The following RARG variants were observed in gnomAD, a reference collection of about 807,000 sequenced individuals.
The protein encoded by RARG is retinoic acid receptor gamma, also known as RAR-gamma.
RARG carries 17 observed loss-of-function variants against 43.7 expected under a neutral mutation model. That is an observed-to-expected ratio of 0.39 (90% CI 0.27 to 0.58). RARG has a LOEUF of 0.58. RARG is among the 20% of genes least tolerant of loss of function. The pLI, the probability that RARG is intolerant of heterozygous loss-of-function variation, is 0.57. For missense variants in RARG, 346 were observed against 598.7 expected (o/e 0.58, Z 4.40); for synonymous variants, 238 against 236.4 (o/e 1.01, Z -0.06).
chr12:53,216,609 G>A (rs546712534), intron 3 of RARG, among the ~76,000 whole-genome samples: 1 of 152,312 alleles, frequency 6.6e-6, no homozygotes, highest in Admixed American at 6.5e-5. Context: ...TGTTTGCTCA[G>A]TTTCTCAGGT....
chr12:53,213,755 A>C lies in RARG; in HGVS notation c.814-55T>G. 2 of 1,509,402 alleles carry C rather than the reference A, an allele frequency of 1.3e-6. No homozygotes were observed. Among genetic ancestry groups the C allele is most frequent in the Non-Finnish European group, 1.8e-6 (2 of 1,093,576 alleles). 93.5% of individuals were successfully genotyped at this position (1,509,402 alleles called of 1,614,324 possible). On this transcript the variant is annotated intron_variant, in intron 7 of 9. Coordinates refer to ENST00000425354, the MANE Select transcript of RARG (RefSeq NM_000966.6). This position sits in a 1 kb window ranked among gnomAD's most constrained non-coding sequence, Gnocchi z 4.7. ...GCTGTTTCTGGGGGATGGGGAAAAG[A>C]GGGAATGAGTGGAAAGTGAGGAGGT...
chr12:53,219,755 A>G (rs886583831), intron 3 of RARG, among the ~76,000 whole-genome samples: 1 of 152,036 alleles, frequency 6.6e-6, no homozygotes, highest in African/African-American at 2.4e-5. Context: ...CCCACCATAA[A>G]AACCACACAC....
In RARG at chr12:53,215,009, G is replaced by A. The variant is rs1942722181; in HGVS notation, c.475+284C>T. Among the ~76,000 whole-genome samples, 1 of 152,146 alleles carries A rather than the reference G, an allele frequency of 6.6e-6. No individual in the cohort carries two copies. The highest frequency in any genetic ancestry group is 2.1e-4 in the South Asian group (1 of 4,824). ...CAGTCCAGGGGAGGGAAAGGGACTG[G>A]CAAGCCCACTGGCTTCATTTCCCCC... On this transcript the variant is annotated intron_variant, in intron 5 of 9. Coordinates refer to ENST00000425354, the MANE Select transcript of RARG (RefSeq NM_000966.6). This position sits in a 1 kb window ranked among gnomAD's most constrained non-coding sequence, Gnocchi z 6.4.
chr12:53,212,716 C>G (rs537626986), intron 9 of RARG, among the ~76,000 whole-genome samples: 1 of 149,962 alleles, frequency 6.7e-6, no homozygotes, highest in East Asian at 2.0e-4. Context: ...TTGCCCAAGA[C>G]TTTGTCTCTA....
Position 53,215,154 on chromosome 12 carries a change from G to A in RARG, c.475+139C>T. 9.4e-7 allele frequency: 1 copy of A among 1,059,878 alleles called. No individual in the cohort carries two copies. Among genetic ancestry groups the A allele is most frequent in the Non-Finnish European group, 1.3e-6 (1 of 742,936 alleles). 65.7% of individuals were successfully genotyped at this position (1,059,878 alleles called of 1,614,324 possible). On this transcript the variant is annotated intron_variant, in intron 5 of 9. Transcript: ENST00000425354. The surrounding 1 kb of genome is among the most constrained non-coding windows in gnomAD (Gnocchi z 6.4). ...TGGTTGAATGGAGCTAATCAAATAA[G>A]ACTGGCCTGGGAGAAGGCAGCACCC...
At chr12:53,223,914 C>T (rs574016084) in intron 3 of RARG, among the ~76,000 whole-genome samples, 44 of 152,284 alleles carry the variant, frequency 2.9e-4, no homozygotes, top group African/African-American at 1.1e-3. Flanking sequence ...GCAGCATCAC[C>T]AGGTTCAGAG....
At chr12:53,220,258 AG>A (rs1201942370) in intron 3 of RARG, 3 of 521,378 alleles carry the variant, frequency 5.8e-6, no homozygotes, top group African/African-American at 2.3e-5. Context: ...GGCGGGGAAG[AG>A]GGGGGATCCC....
chr12:53,226,746 G>T (rs1410827585), intron 3 of RARG, among the ~76,000 whole-genome samples: 1 of 151,692 alleles, frequency 6.6e-6, no homozygotes, highest in Non-Finnish European at 1.5e-5. Flanking sequence ...CAAGTAGCTG[G>T]GACTACAAGT....
At chr12:53,218,381 G>A (rs1477416771) in intron 3 of RARG, among the ~76,000 whole-genome samples, 4 of 152,118 alleles carry the variant, frequency 2.6e-5, no homozygotes, top group African/African-American at 9.7e-5. Context: ...CCATAGGCCT[G>A]AAAAAAGACA....
intron 3 of RARG, chr12:53,220,243 G>C: frequency 6.7e-7 from 1 of 1,496,040 alleles, no homozygotes; most frequent in Non-Finnish European, 8.9e-7. Flanking sequence ...TGCGGGTAAG[G>C]GGTGGGCGGG....
At chr12:53,226,937 C>G (rs142199022) in intron 3 of RARG, among the ~76,000 whole-genome samples, 115 of 152,270 alleles carry the variant, frequency 7.6e-4, no homozygotes, top group Admixed American at 1.5e-3. Flanking sequence ...ATCACAGAGC[C>G]AGGTGACTGG....
intron 3 of RARG, among the ~76,000 whole-genome samples, chr12:53,216,240 C>T (rs1942757565): frequency 2.0e-5 from 3 of 152,176 alleles, no homozygotes; most frequent in African/African-American, 7.2e-5. Flanking sequence ...CCACTGTCCT[C>T]CCTGTGGGGC....
chr12:53,222,311 G>C (rs1942995978), intron 3 of RARG, among the ~76,000 whole-genome samples: 1 of 151,890 alleles, frequency 6.6e-6, no homozygotes, highest in Non-Finnish European at 1.5e-5. Context: ...GAGAGAGAGA[G>C]AGAGAAAGAA....
rs1565715118 is a variant in RARG at position 53,210,800 on chromosome 12, G to A, written c.*876C>T. On this transcript the variant is annotated 3_prime_UTR_variant, in exon 10 of 10. Coordinates refer to ENST00000425354, the MANE Select transcript of RARG (RefSeq NM_000966.6). ...CCCACCCAAGACCCCTGGAGGAAGGGGTCAATTCCACGGTGTAAACAAAAG... is the reference window on the plus strand; with the variant it reads ...CCCACCCAAGACCCCTGGAGGAAGGAGTCAATTCCACGGTGTAAACAAAAG... 6.6e-6 allele frequency: 1 copy of A among 152,586 alleles called. No homozygotes were observed. The highest frequency in any genetic ancestry group is 1.5e-5 in the Non-Finnish European group (1 of 68,052). 9.5% of individuals were successfully genotyped at this position (152,586 alleles called of 1,614,324 possible). A position where few individuals can be genotyped will look rare whatever the true frequency, so the allele number is the denominator to read the frequency against.
chr12:53,213,443 G>A lies in RARG; in HGVS notation c.1018+53C>T. On this transcript the variant is annotated intron_variant, in intron 8 of 9. Coordinates refer to ENST00000425354, the MANE Select transcript of RARG (RefSeq NM_000966.6). This position sits in a 1 kb window ranked among gnomAD's most constrained non-coding sequence, Gnocchi z 4.7. Reference sequence around the variant, plus strand: ...CCCTCCCAGACAGATTCCGCATGGAGTGGTGGGAAAGGAGACTGAGCACTG... The same window carrying A: ...CCCTCCCAGACAGATTCCGCATGGAATGGTGGGAAAGGAGACTGAGCACTG... 6.3e-7 allele frequency: 1 copy of A among 1,579,212 alleles called. No individual in the cohort carries two copies. The highest frequency in any genetic ancestry group is 2.2e-5 in the East Asian group (1 of 44,646).
chr12:53,217,436 G>A (rs1018043524), intron 3 of RARG, among the ~76,000 whole-genome samples: 1 of 152,230 alleles, frequency 6.6e-6, no homozygotes, highest in African/African-American at 2.4e-5. Context: ...TGCCCGCAGA[G>A]CGCTGCCTCA....
chr12:53,211,692 A>C lies in RARG; in HGVS notation c.1349T>G (p.Leu450Arg), dbSNP rs373212761. 2.0e-6 allele frequency: 3 copies of C among 1,535,540 alleles called. No individual in the cohort carries two copies. The African/African-American group carries it at 4.2e-5, about 22-fold the overall frequency. ...EVPGGQGKGGLKSPA is the reference protein window; with the variant it reads ...EVPGGQGKGGRKSPA Reference sequence around the variant, plus strand: ...GGGCCCTGGTCAGGCTGGGGACTTCAGGCCCCCTTTGCCCTGGCCCCCAGG... The same window carrying C: ...GGGCCCTGGTCAGGCTGGGGACTTCCGGCCCCCTTTGCCCTGGCCCCCAGG... The change falls in exon 10 of 10, where the codon CTG becomes CGG. Residue 450 changes from leucine to arginine, a missense_variant. Around this residue, in one of 8 missense-constraint regions of RARG, gnomAD observed 40 missense variants for 44.6 expected, o/e 0.90. Coordinates refer to ENST00000425354, the MANE Select transcript of RARG (RefSeq NM_000966.6). The surrounding 1 kb of genome is among the most constrained non-coding windows in gnomAD (Gnocchi z 4.6).
rs984319813 is a variant in RARG, at chr12:53,232,018, G to A, written c.-254C>T. The A allele has an allele frequency of 6.0e-5, 24 of 397,932 alleles. No homozygotes were observed. The highest frequency in any genetic ancestry group is 4.9e-4 in the African/African-American group (24 of 48,608). The allele number at this position is 397,932 out of a possible 1,614,324, so 24.7% of individuals were successfully genotyped here. On this transcript the variant is annotated 5_prime_UTR_variant, in exon 1 of 10. Coordinates refer to ENST00000425354, the MANE Select transcript of RARG (RefSeq NM_000966.6). ...GGAGGCGGCGGAGCCCCGAGGTCCCGGCGTCGGGCAGTCTCTTGGATGGAG... is the reference window on the plus strand; with the variant it reads ...GGAGGCGGCGGAGCCCCGAGGTCCCAGCGTCGGGCAGTCTCTTGGATGGAG...
At position 53,227,511 on chromosome 12, in the gene RARG, C is replaced by T. The variant is rs200641282; in HGVS notation, c.35G>A (p.Gly12Asp). The change falls in exon 3 of 10, where the codon GGT becomes GAT. Residue 12 changes from glycine to aspartate, a missense_variant. Around this residue, in one of 8 missense-constraint regions of RARG, gnomAD observed 90 missense variants for 93.2 expected, o/e 0.97. Transcript: ENST00000425354. The surrounding 1 kb of genome is among the most constrained non-coding windows in gnomAD (Gnocchi z 4.3). ...GTAGCCAGATCCAGGCCCCAGGGCA[C>T]CAGCCGCAAAGAGTCGCTCCTTATT... ...ATNKERLFAAGALGPGSGYPG... is the reference protein window; with the variant it reads ...ATNKERLFAADALGPGSGYPG... 1.4e-5 allele frequency: 23 copies of T among 1,601,750 alleles called. No homozygotes were observed. Among genetic ancestry groups the T allele is most frequent in the Admixed American group, 3.5e-5 (2 of 57,894 alleles).
Sources: allele counts gnomAD v4.1 joint callset (sites outside exome capture counted in the v4.1 genomes callset), GRCh38; gene constraint gnomAD v4.1.1; regional missense constraint gnomAD v4.1.1; non-coding constraint Gnocchi (gnomAD v3.1); transcripts MANE v1.5; gene names NCBI Gene and HGNC (gene_info 2026-07-23, HGNC 2026-07-21).